Variants in EPHA4 observed in about 807,000 individuals in gnomAD.
The protein encoded by EPHA4 is ephrin type-A receptor 4.
A neutral mutation model predicts 108.3 loss-of-function variants in EPHA4; 19 were observed. That is an observed-to-expected ratio of 0.18 (90% confidence interval 0.12 to 0.26). The LOEUF (loss-of-function observed/expected upper bound fraction) is 0.26, where lower values mean the gene tolerates loss of function less well. Among genes scored for constraint, EPHA4 ranks in the 10% least tolerant of loss-of-function variants. The pLI is 1.00. For missense variants in EPHA4, 917 were observed against 1,254.0 expected (o/e 0.73, Z 4.06); for synonymous variants, 449 against 455.5 (o/e 0.99, Z 0.18).
intron 3 of EPHA4, among the ~76,000 whole-genome samples, chr2:221,531,252 A>G (rs559242470): frequency 3.3e-5 from 5 of 152,276 alleles, no homozygotes; most frequent in African/African-American, 1.2e-4. Context: ...TGGTAGGTTT[A>G]TTACCCTAGT....
intron 3 of EPHA4, among the ~76,000 whole-genome samples, chr2:221,529,496 G>T (rs369533639): frequency 5.9e-5 from 9 of 152,126 alleles, no homozygotes; most frequent in African/African-American, 4.8e-5. Context: ...TTAAAACAAG[G>T]TTACAAATCT....
At position 221,572,206 on chromosome 2, in the gene EPHA4, C is replaced by T; in HGVS notation, c.43G>A (p.Gly15Arg). 1 of 1,614,160 alleles carries T rather than the reference C, an allele frequency of 6.2e-7. No individual in the cohort carries two copies. The highest frequency in any genetic ancestry group is 8.5e-7 in the Non-Finnish European group (1 of 1,179,978). Residue 15 changes from glycine to arginine, a missense_variant, in exon 1 of 18, where the codon GGG becomes AGG. This residue lies in a region of EPHA4 where 758 missense variants were observed against 1,076.7 expected (regional missense o/e 0.70). Coordinates refer to ENST00000281821, the MANE Select transcript of EPHA4 (RefSeq NM_004438.5). The part of the protein sequence containing the change: ...FYFALFSCLF[G>R]ICDAVTGSRV... Reference sequence around the variant, plus strand: ...GAACCTGTGACAGCGTCGCAAATCCCGAAGAGACACGAAAATAGGGCGAAA... The same window carrying T: ...GAACCTGTGACAGCGTCGCAAATCCTGAAGAGACACGAAAATAGGGCGAAA...
rs1255717749 is a variant in EPHA4, at chr2:221,525,939, TA to T, written c.824-24768del. 2.0e-5 allele frequency among the ~76,000 whole-genome samples: 3 copies of T among 152,124 alleles called. No homozygotes were observed. In the East Asian group the frequency reaches 5.8e-4, roughly 29 times the overall value. On this transcript the variant is annotated intron_variant, in intron 3 of 17. Coordinates refer to ENST00000281821, the MANE Select transcript of EPHA4 (RefSeq NM_004438.5). ...TGTGTTTCCCATTTTATTTTCTAGATAAAAAAAATTGAGGTTTAGCAAAGGT... is the reference window on the plus strand; with the variant it reads ...TGTGTTTCCCATTTTATTTTCTAGATAAAAAAATTGAGGTTTAGCAAAGGT...
At chr2:221,523,540 G>A (rs1025557404) in intron 3 of EPHA4, among the ~76,000 whole-genome samples, 1 of 151,946 alleles carries the variant, frequency 6.6e-6, no homozygotes, top group Non-Finnish European at 1.5e-5. Context: ...GCCCATGTCG[G>A]CCTCCCAAAT....
chr2:221,472,525 T>A (rs900196867), intron 5 of EPHA4, among the ~76,000 whole-genome samples: 20 of 152,100 alleles, frequency 1.3e-4, no homozygotes, highest in African/African-American at 4.3e-4. Context: ...CATATTTAAG[T>A]CTTGTTTGTA....
At chr2:221,531,011 T>C (rs1320428376) in intron 3 of EPHA4, among the ~76,000 whole-genome samples, 1 of 152,178 alleles carries the variant, frequency 6.6e-6, no homozygotes, top group Non-Finnish European at 1.5e-5. Context: ...GAGAGTCACA[T>C]GATCAGCCAA....
At chr2:221,566,104 C>T (rs1574665040) in intron 2 of EPHA4, among the ~76,000 whole-genome samples, 1 of 152,118 alleles carries the variant, frequency 6.6e-6, no homozygotes, top group African/African-American at 2.4e-5. Context: ...TTGGCTACAA[C>T]GATGTTATCA....
intron 8 of EPHA4, 33 bp downstream of exon 8, chr2:221,455,514 G>C (rs374317019): frequency 6.6e-7 from 1 of 1,504,388 alleles, no homozygotes; most frequent in African/African-American, 1.4e-5. Context: ...TGGGAAGGTC[G>C]GGGGCTGCAC....
chr2:221,493,515 G>A (rs1007323972), intron 4 of EPHA4, among the ~76,000 whole-genome samples: 1 of 152,134 alleles, frequency 6.6e-6, no homozygotes, highest in Non-Finnish European at 1.5e-5. Context: ...AACAAGTAAG[G>A]ACGATGTTAT....
At chr2:221,452,966 T>G (rs541675006) in intron 8 of EPHA4, among the ~76,000 whole-genome samples, 14 of 152,322 alleles carry the variant, frequency 9.2e-5, no homozygotes, top group Non-Finnish European at 1.3e-4. Flanking sequence ...TTTCTTTTCA[T>G]CAAAGCCAAT....
intron 4 of EPHA4, among the ~76,000 whole-genome samples, chr2:221,486,724 ACT>A (rs1691983543): frequency 7.0e-6 from 1 of 142,748 alleles, no homozygotes; most frequent in African/African-American, 2.6e-5. Context: ...ACAGAGTGAG[ACT>A]CTGTCTCAAA....
intron 14 of EPHA4, among the ~76,000 whole-genome samples, chr2:221,430,808 A>T (rs1212432043): frequency 6.6e-6 from 1 of 152,206 alleles, no homozygotes; most frequent in Non-Finnish European, 1.5e-5. Flanking sequence ...AAAGTAAAAA[A>T]CAATTAAAAA....
intron 5 of EPHA4, among the ~76,000 whole-genome samples, chr2:221,474,499 A>G (rs749093861): frequency 2.8e-4 from 42 of 151,626 alleles, no homozygotes; most frequent in Non-Finnish European, 4.7e-4. Flanking sequence ...CCAGGATCCC[A>G]TGGCTAGACC....
intron 3 of EPHA4, among the ~76,000 whole-genome samples, chr2:221,520,745 T>C (rs1693140773): frequency 6.6e-6 from 1 of 152,250 alleles, no homozygotes; most frequent in South Asian, 2.1e-4. Context: ...TCTCTGATTT[T>C]GTTTTCTATG....
intron 11 of EPHA4, among the ~76,000 whole-genome samples, chr2:221,439,225 C>G (rs532943296): frequency 6.6e-6 from 1 of 151,704 alleles, no homozygotes; most frequent in Non-Finnish European, 1.5e-5. Context: ...AGTCTTTTCT[C>G]TACGCTGGCA....
intron 11 of EPHA4, among the ~76,000 whole-genome samples, chr2:221,441,634 G>A (rs192684371): frequency 1.4e-4 from 21 of 152,244 alleles, no homozygotes; most frequent in Admixed American, 2.6e-4. Flanking sequence ...TTAGCCATCC[G>A]TGGATGACAA....
chr2:221,421,934 T>G (rs1689773264), intron 17 of EPHA4: 1 of 152,144 alleles, frequency 6.6e-6, no homozygotes, highest in African/African-American at 2.4e-5. Flanking sequence ...TTTAGTCTAT[T>G]TAAAGAGAGA....
chr2:221,562,211 T>TC, intron 3 of EPHA4, among the ~76,000 whole-genome samples: 1 of 151,994 alleles, frequency 6.6e-6, no homozygotes, highest in Non-Finnish European at 1.5e-5. Flanking sequence ...CATTTCCTTT[T>TC]TTTTTTTTTG....
intron 8 of EPHA4, among the ~76,000 whole-genome samples, chr2:221,451,441 T>C (rs10932913): frequency 0.81 from 122,902 of 152,018 alleles, 49,896 homozygotes; most frequent in East Asian, 0.98. Flanking sequence ...TTAAAGATCA[T>C]TTTAAAAAAA....
Sources: gnomAD v4.1 joint callset for allele counts (sites outside exome capture counted in the v4.1 genomes callset) on GRCh38, gnomAD v4.1.1 for gene constraint, gnomAD v4.1.1 regional missense constraint, MANE v1.5 for transcripts, NCBI Gene and HGNC (gene_info 2026-07-23, HGNC 2026-07-21) for gene names.